ANK1: variants seen among roughly 807,000 people sequenced by gnomAD.
The protein encoded by ANK1 is ankyrin-1.
A neutral mutation model predicts 210.4 loss-of-function variants in ANK1; 51 were observed. That is an observed-to-expected ratio of 0.24 (90% confidence interval 0.19 to 0.31). The LOEUF is 0.31. Ranked by LOEUF, ANK1 falls within the 10% of genes least tolerant of loss-of-function variation. The pLI, the probability that ANK1 is intolerant of heterozygous loss-of-function variation, is 1.00. For missense variants in ANK1, 2,051 were observed against 2,504.4 expected (o/e 0.82, Z 3.86); for synonymous variants, 967 against 1,025.9 (o/e 0.94, Z 1.10).
intron 36 of ANK1, 83 bp downstream of exon 36, chr8:41,686,069 T>A (rs1817608488): frequency 1.3e-6 from 2 of 1,597,844 alleles, no homozygotes; most frequent in African/African-American, 1.3e-5. Flanking sequence ...CAGAGGCCAG[T>A]GTCATGAATG....
chr8:41,752,976 A>C (rs56131030), intron 2 of ANK1, among the ~76,000 whole-genome samples: 45,317 of 151,634 alleles, frequency 0.3, 7,458 homozygotes, highest in Middle Eastern at 0.41. Context: ...GGGGATATTC[A>C]ACCAGGACAC....
At chr8:41,727,224 TGAC>T (rs1483401787) in intron 5 of ANK1, 23 bp downstream of exon 5, 1 of 1,588,992 alleles carries the variant, frequency 6.3e-7, no homozygotes, top group Non-Finnish European at 8.6e-7. Flanking sequence ...CTTCTGGTGG[TGAC>T]GACATTTTTC....
intron 20 of ANK1, among the ~76,000 whole-genome samples, chr8:41,703,726 A>G (rs1823742548): frequency 6.6e-6 from 1 of 151,960 alleles, no homozygotes; most frequent in African/African-American, 2.4e-5. Context: ...CCTGCCCTCA[A>G]GCAATCCTCC....
intron 1 of ANK1, among the ~76,000 whole-genome samples, chr8:41,840,677 C>T (rs1464195565): frequency 6.6e-6 from 1 of 152,226 alleles, no homozygotes; most frequent in African/African-American, 2.4e-5. Context: ...GAGCTCTACC[C>T]TCATGGCTCA....
intron 1 of ANK1, among the ~76,000 whole-genome samples, chr8:41,852,888 C>T (rs1387174747): frequency 1.3e-5 from 2 of 152,190 alleles, no homozygotes; most frequent in East Asian, 1.9e-4. Flanking sequence ...GACTCTGCCA[C>T]GTTTGACCTA....
intron 1 of ANK1, among the ~76,000 whole-genome samples, chr8:41,849,483 C>T (rs544181293): frequency 6.6e-6 from 1 of 151,654 alleles, no homozygotes; most frequent in Admixed American, 6.6e-5. Context: ...GAGATCACAC[C>T]ATTGTACTCC....
intron 1 of ANK1, among the ~76,000 whole-genome samples, chr8:41,891,399 C>T (rs1294714869): frequency 2.6e-5 from 4 of 152,112 alleles, no homozygotes; most frequent in Non-Finnish European, 4.4e-5. Context: ...GCTCGTGTCC[C>T]CTGCCCAGGG....
chr8:41,851,861 A>AT (rs1205368247), intron 1 of ANK1, among the ~76,000 whole-genome samples: 1 of 151,784 alleles, frequency 6.6e-6, no homozygotes, highest in African/African-American at 2.4e-5. Flanking sequence ...GTCTCTATTA[A>AT]TTTTTTTTAA....
Position 41,725,900 on chromosome 8 carries a change from T to G in ANK1, c.473A>C (p.Asn158Thr). The change falls in exon 6 of 43, where the codon AAC becomes ACC. Residue 158 changes from asparagine (N) to threonine (T), a missense_variant. Physicochemically the swap from Asn to Thr is moderately conservative, Grantham distance 65. Transcript: ENST00000289734. Reference sequence around the variant, plus strand: ...GTAGTTGATGAGGTGCGCGACGACGTTCTCATGGCCCTGCTGCAGGGCTAC... The same window carrying G: ...GTAGTTGATGAGGTGCGCGACGACGGTCTCATGGCCCTGCTGCAGGGCTAC... The part of the protein sequence containing the change: ...LAVALQQGHE[N>T]VVAHLINYGT... 6.2e-7 allele frequency: 1 copy of G among 1,613,686 alleles called. No homozygotes were observed. Among genetic ancestry groups the G allele is most frequent in the Non-Finnish European group, 8.5e-7 (1 of 1,179,952 alleles).
intron 1 of ANK1, among the ~76,000 whole-genome samples, chr8:41,851,940 T>C (rs1181559963): frequency 6.6e-6 from 1 of 152,210 alleles, no homozygotes; most frequent in Non-Finnish European, 1.5e-5. Context: ...CCCCCAGTCC[T>C]GAGCACAAGC....
intron 1 of ANK1, among the ~76,000 whole-genome samples, chr8:41,832,954 T>C (rs1806952818): frequency 6.6e-6 from 1 of 152,168 alleles, no homozygotes; most frequent in Admixed American, 6.5e-5. Flanking sequence ...ATTAGAGAAC[T>C]GGGTCTGTTA....
chr8:41,861,841 C>T (rs1408361035), intron 1 of ANK1, among the ~76,000 whole-genome samples: 2 of 152,236 alleles, frequency 1.3e-5, no homozygotes, highest in African/African-American at 4.8e-5. Context: ...ACAGGAGACT[C>T]ACATTGAACT....
At chr8:41,663,102 C>CTT (rs1405778779) in intron 40 of ANK1, among the ~76,000 whole-genome samples, 2 of 121,112 alleles carry the variant, frequency 1.7e-5, no homozygotes, top group African/African-American at 6.4e-5. Context: ...GTGTGTGTCT[C>CTT]TCTCTCTCTC....
chr8:41,826,586 C>T (rs1238637881), intron 1 of ANK1, among the ~76,000 whole-genome samples: 1 of 152,148 alleles, frequency 6.6e-6, no homozygotes, highest in Non-Finnish European at 1.5e-5. Context: ...ACAACATTTT[C>T]TTTTCTAGTG....
At chr8:41,700,070 C>G (rs1245704254) in intron 22 of ANK1, among the ~76,000 whole-genome samples, 1 of 152,236 alleles carries the variant, frequency 6.6e-6, no homozygotes, top group Non-Finnish European at 1.5e-5. Context: ...GTTTCTCTCT[C>G]CTAGCTTCAA....
chr8:41,694,499 A>G lies in ANK1; in HGVS notation c.3327+93T>C. On this transcript the variant is annotated intron_variant, in intron 28 of 42. Transcript: ENST00000289734. The surrounding 1 kb of genome is among the most constrained non-coding windows in gnomAD (Gnocchi z 5.7). ...CTGTGGCATTTCAAAGCACCAGACA[A>G]AAGTGTGGGGATGTCCTGGGGAAGA... is the stretch of plus-strand genomic sequence containing the variant. 2.3e-6 allele frequency: 3 copies of G among 1,277,462 alleles called. No individual in the cohort carries two copies. Among genetic ancestry groups the G allele is most frequent in the Non-Finnish European group, 3.3e-6 (3 of 903,694 alleles). 79.1% of individuals were successfully genotyped at this position (1,277,462 alleles called of 1,614,324 possible).
At chr8:41,883,517 T>C (rs1319069919) in intron 1 of ANK1, among the ~76,000 whole-genome samples, 4 of 152,180 alleles carry the variant, frequency 2.6e-5, no homozygotes, top group African/African-American at 9.7e-5. Context: ...CTAAAGTTCA[T>C]GGCACAATCA....
intron 31 of ANK1, among the ~76,000 whole-genome samples, chr8:41,691,224 T>A (rs1819192390): frequency 6.6e-6 from 1 of 152,222 alleles, no homozygotes; most frequent in South Asian, 2.1e-4. Flanking sequence ...AGATCCTGTT[T>A]CTAAAAATAA....
intron 9 of ANK1, 140 bp from the exon 10 acceptor site, chr8:41,719,998 T>C: frequency 1.0e-6 from 1 of 982,920 alleles, no homozygotes; most frequent in South Asian, 1.4e-5. Context: ...TGGCTCACCC[T>C]GGCCTCCACG....
Sources: gnomAD v4.1 joint callset for allele counts (sites outside exome capture counted in the v4.1 genomes callset) on GRCh38, gnomAD v4.1.1 for gene constraint, Gnocchi (gnomAD v3.1) non-coding constraint, MANE v1.5 for transcripts, NCBI Gene and HGNC (gene_info 2026-07-23, HGNC 2026-07-21) for gene names.